The following KIAA1217 variants were observed in gnomAD, a reference collection of about 807,000 sequenced individuals.
The protein encoded by KIAA1217 is KIAA1217.
Under a neutral mutation model 163.9 loss-of-function variants are expected in KIAA1217, and 88 were observed. That is an observed-to-expected ratio of 0.54 (90% CI 0.45 to 0.64). KIAA1217 has a LOEUF of 0.64. Among genes scored for constraint, KIAA1217 ranks in the 30% least tolerant of loss-of-function variants. KIAA1217 has a pLI of 0.00. For synonymous variants in KIAA1217, 903 were observed against 923.1 expected, an observed-to-expected ratio of 0.98 and a Z score of 0.39; for missense variants, 2,372 against 2,475.0, an observed-to-expected ratio of 0.96 and a Z score of 0.88.
At chr10:24,094,252 T>C (rs898097918) in intron 2 of KIAA1217, among the ~76,000 whole-genome samples, 5 of 152,294 alleles carry the variant, frequency 3.3e-5, no homozygotes, top group African/African-American at 1.2e-4. Context: ...GTTGAACTAG[T>C]TTACAGTCCC....
chr10:24,192,565 G>C (rs2066775936), intron 2 of KIAA1217, among the ~76,000 whole-genome samples: 1 of 152,216 alleles, frequency 6.6e-6, no homozygotes, highest in Non-Finnish European at 1.5e-5. Context: ...AGGCTTCTAA[G>C]AGAAGCACAT....
chr10:23,861,278 C>T (rs1371760340), intron 1 of KIAA1217, among the ~76,000 whole-genome samples: 2 of 152,110 alleles, frequency 1.3e-5, no homozygotes, highest in Non-Finnish European at 2.9e-5. Context: ...AGGAGATCCA[C>T]ATCAAGAAAG....
intron 5 of KIAA1217, among the ~76,000 whole-genome samples, chr10:24,458,844 A>G (rs926604896): frequency 1.6e-4 from 25 of 152,166 alleles, no homozygotes; most frequent in African/African-American, 5.6e-4. Flanking sequence ...TTGCTGTCCA[A>G]AGGATTTAAC....
rs191768480 is a variant in KIAA1217, at chr10:24,280,905, A to G, written c.354+60996A>G. On this transcript the variant is annotated intron_variant, in intron 2 of 20. Transcript: ENST00000376454. ...AATATAAAATTATCAAATACTCTAG[A>G]GAAAGTTGGGTTTATATTCAAATAG... 2.4e-3 allele frequency among the ~76,000 whole-genome samples: 360 copies of G among 152,318 alleles called. 4 individuals are homozygous for G. Among genetic ancestry groups the G allele is most frequent in the African/African-American group, 8.0e-3 (332 of 41,562 alleles).
At chr10:24,513,883 G>A (rs1375510810) in intron 10 of KIAA1217, among the ~76,000 whole-genome samples, 2 of 151,444 alleles carry the variant, frequency 1.3e-5, no homozygotes, top group Non-Finnish European at 2.9e-5. Context: ...AAAACCCAAT[G>A]GCAAATAGGA....
intron 2 of KIAA1217, among the ~76,000 whole-genome samples, chr10:24,299,487 C>G (rs965376236): frequency 6.6e-6 from 1 of 152,174 alleles, no homozygotes; most frequent in Non-Finnish European, 1.5e-5. Context: ...CAGCCTTGAC[C>G]TCCCTGGCTC....
chr10:24,399,215 C>T (rs906007952), intron 3 of KIAA1217, among the ~76,000 whole-genome samples: 2 of 152,114 alleles, frequency 1.3e-5, no homozygotes, highest in Admixed American at 6.5e-5. Flanking sequence ...ATGGTCATAG[C>T]GATGAACTGA....
At chr10:24,283,084 C>T (rs1382915112) in intron 2 of KIAA1217, among the ~76,000 whole-genome samples, 3 of 151,764 alleles carry the variant, frequency 2.0e-5, no homozygotes, top group South Asian at 2.1e-4. Flanking sequence ...CCACCCACCT[C>T]GTCCTCCCAA....
intron 2 of KIAA1217, among the ~76,000 whole-genome samples, chr10:24,068,118 C>A (rs980929265): frequency 1.3e-5 from 2 of 152,218 alleles, no homozygotes; most frequent in Non-Finnish European, 2.9e-5. Flanking sequence ...CGCCTTGCTT[C>A]CGCTCATGCA....
intron 9 of KIAA1217, among the ~76,000 whole-genome samples, chr10:24,512,234 T>G (rs139077163): frequency 7.2e-5 from 11 of 152,274 alleles, no homozygotes; most frequent in Non-Finnish European, 1.5e-4. Context: ...AATGGACAGT[T>G]GACAAAGACA....
At chr10:24,320,203 C>T (rs909753797) in intron 2 of KIAA1217, among the ~76,000 whole-genome samples, 2 of 152,160 alleles carry the variant, frequency 1.3e-5, no homozygotes, top group African/African-American at 4.8e-5. Flanking sequence ...ATTTTTAATT[C>T]CACACCACAG....
At chr10:24,181,460 G>C (rs1019736147) in intron 2 of KIAA1217, among the ~76,000 whole-genome samples, 2 of 152,160 alleles carry the variant, frequency 1.3e-5, no homozygotes, top group African/African-American at 4.8e-5. Context: ...AGTCAAAGGA[G>C]AAAAGTAATA....
chr10:24,055,957 TA>T (rs372333243), intron 2 of KIAA1217, among the ~76,000 whole-genome samples: 8,106 of 142,486 alleles, frequency 0.057, 622 homozygotes, highest in African/African-American at 0.18. Flanking sequence ...ACACTAAATT[TA>T]AAAAAAAAAA....
intron 2 of KIAA1217, among the ~76,000 whole-genome samples, chr10:24,167,663 A>G (rs1055828729): frequency 2.0e-5 from 3 of 152,240 alleles, no homozygotes; most frequent in African/African-American, 7.2e-5. Flanking sequence ...ATTCATGAAC[A>G]AAACTCTTTC....
chr10:23,773,617 T>C (rs990040206), intron 1 of KIAA1217, among the ~76,000 whole-genome samples: 9 of 152,224 alleles, frequency 5.9e-5, no homozygotes, highest in Admixed American at 3.3e-4. Context: ...CTTCCATTTG[T>C]TTGTATCCTC....
At chr10:23,817,823 CTCATA>C (rs2131001444) in intron 1 of KIAA1217, among the ~76,000 whole-genome samples, 1 of 151,084 alleles carries the variant, frequency 6.6e-6, no homozygotes, top group East Asian at 2.0e-4. Context: ...GATGTGGTGG[CTCATA>C]CTTGTAATCC....
chr10:23,898,815 A>G (rs1479958634), intron 1 of KIAA1217, among the ~76,000 whole-genome samples: 1 of 152,096 alleles, frequency 6.6e-6, no homozygotes, highest in Non-Finnish European at 1.5e-5. Context: ...ATACATTTAA[A>G]GTGGAATCAT....
chr10:24,280,191 A>G lies in KIAA1217; in HGVS notation c.354+60282A>G, dbSNP rs368736799. Among the ~76,000 whole-genome samples the G allele has an allele frequency of 1.4e-4, 22 of 152,304 alleles. 1 individual carries two copies. Among genetic ancestry groups the G allele is most frequent in the Admixed American group, 9.8e-4 (15 of 15,284 alleles). On this transcript the variant is annotated intron_variant, in intron 2 of 20. Transcript: ENST00000376454. ...TGATTACGTATGTCAAAAACAGTCAAATATCTGCAGTTTCATGTCATTCAT... is the reference window on the plus strand; with the variant it reads ...TGATTACGTATGTCAAAAACAGTCAGATATCTGCAGTTTCATGTCATTCAT...
intron 2 of KIAA1217, among the ~76,000 whole-genome samples, chr10:24,125,714 A>G (rs2131791900): frequency 6.6e-6 from 1 of 152,258 alleles, no homozygotes; most frequent in Non-Finnish European, 1.5e-5. Flanking sequence ...CTAACAGTGA[A>G]AATTGAGTCC....
Sources: allele counts gnomAD v4.1 joint callset (sites outside exome capture counted in the v4.1 genomes callset), GRCh38; gene constraint gnomAD v4.1.1; transcripts MANE v1.5; gene names NCBI Gene and HGNC (gene_info 2026-07-23, HGNC 2026-07-21).